PLPP1: variants seen among roughly 807,000 people sequenced by gnomAD.
PLPP1 encodes lipid phosphate phosphohydrolase 1a.
In PLPP1, 24 loss-of-function variants were observed where a neutral mutation model predicts 31.2. The observed-to-expected ratio is 0.77, with a 90% confidence interval of 0.56 to 1.08. The LOEUF is 1.08. Ranked by LOEUF, PLPP1 falls within the 50% of genes least tolerant of loss-of-function variation. The pLI, the probability that PLPP1 is intolerant of heterozygous loss-of-function variation, is 0.00. For missense variants in PLPP1, 319 were observed against 342.7 expected (o/e 0.93, Z 0.55); for synonymous variants, 146 against 126.3 (o/e 1.16, Z -1.05).
intron 1 of PLPP1, among the ~76,000 whole-genome samples, chr5:55,494,554 C>T (rs1267222164): frequency 6.6e-6 from 1 of 152,152 alleles, no homozygotes; most frequent in Non-Finnish European, 1.5e-5. Context: ...AGGCTCCAAT[C>T]ACACTGAACC....
intron 3 of PLPP1, among the ~76,000 whole-genome samples, chr5:55,443,929 G>A (rs1201940096): frequency 6.6e-6 from 1 of 152,048 alleles, no homozygotes; most frequent in Admixed American, 6.5e-5. Context: ...CAAAACAATG[G>A]AAATTCAAAG....
intron 1 of PLPP1, among the ~76,000 whole-genome samples, chr5:55,501,020 A>G (rs1222810302): frequency 2.6e-5 from 4 of 152,236 alleles, no homozygotes; most frequent in Non-Finnish European, 5.9e-5. Context: ...TTACTCTGTT[A>G]AAACACAAAG....
In PLPP1 at chr5:55,425,910, C is replaced by T. The variant is rs1428658661; in HGVS notation, c.679G>A (p.Asp227Asn). ...RVSDYKHHWS[D>N]VLTGLIQGAL... ...CCCTGAATGAGTCCAGTCAACACAT[C>T]GCTCCAGTGGTGTTTATAATCAGAA... The change falls in exon 5 of 6, where the codon GAT (aspartate) becomes AAT (asparagine). Residue 227 changes from aspartate to asparagine, a missense_variant. Transcript: ENST00000307259. 8.1e-6 allele frequency: 13 copies of T among 1,613,020 alleles called. No individual in the cohort carries two copies. Among genetic ancestry groups the T allele is most frequent in the East Asian group, 2.2e-5 (1 of 44,862 alleles).
At position 55,433,524 on chromosome 5, in the gene PLPP1, G is replaced by A. The variant is rs535698998; in HGVS notation, c.550-7485C>T. ...TCTCTAGCATTTTTTTTTTTTGACC[G>A]AGTCTCACTGTGTCACCCAGGCTGG... On this transcript the variant is annotated intron_variant, in intron 4 of 5. Transcript: ENST00000307259. Among the ~76,000 whole-genome samples the A allele has an allele frequency of 1.7e-3, 201 of 116,760 alleles. 2 individuals are homozygous for A. The highest frequency in any genetic ancestry group is 3.0e-3 in the Non-Finnish European group (160 of 53,660). The allele number at this position is 116,760 out of a possible 152,430, so 76.6% of individuals were successfully genotyped here. A position where few individuals can be genotyped will look rare whatever the true frequency, so the allele number is the denominator to read the frequency against.
intron 1 of PLPP1, among the ~76,000 whole-genome samples, chr5:55,528,484 C>T (rs1012381274): frequency 6.6e-6 from 1 of 152,246 alleles, no homozygotes; most frequent in African/African-American, 2.4e-5. Context: ...TAGTACCTAA[C>T]ATGGTACTGG....
intron 1 of PLPP1, chr5:55,508,932 A>G (rs1264956828): frequency 6.5e-6 from 1 of 154,202 alleles, no homozygotes; most frequent in African/African-American, 2.4e-5. Context: ...TGAGGAGAGC[A>G]GAGAACAACT....
intron 1 of PLPP1, among the ~76,000 whole-genome samples, chr5:55,513,741 C>G (rs574431039): frequency 4.6e-5 from 7 of 152,236 alleles, no homozygotes; most frequent in African/African-American, 7.2e-5. Flanking sequence ...GCCTGGACAA[C>G]ACAGTGAGAC....
intron 2 of PLPP1, among the ~76,000 whole-genome samples, chr5:55,470,531 A>C (rs1455694787): frequency 6.6e-6 from 1 of 152,232 alleles, no homozygotes; most frequent in Non-Finnish European, 1.5e-5. Context: ...AAGTAGTGTA[A>C]GCTGAAACTT....
At chr5:55,511,650 G>GTTTTTTTTT (rs1158182340) in intron 1 of PLPP1, among the ~76,000 whole-genome samples, 1 of 51,496 alleles carries the variant, frequency 1.9e-5, no homozygotes, top group African/African-American at 9.0e-5. Flanking sequence ...CACGTGTTGA[G>GTTTTTTTTT]TTTTTTTTTT....
At chr5:55,425,625 T>G (rs532087748) in intron 5 of PLPP1, 1 of 464,308 alleles carries the variant, frequency 2.2e-6, no homozygotes, top group African/African-American at 2.0e-5. Context: ...AAAAAACTAT[T>G]TCTAGCCAGA....
intron 2 of PLPP1, among the ~76,000 whole-genome samples, chr5:55,471,202 A>ATTT (rs113348948): frequency 3.6e-5 from 5 of 139,634 alleles, no homozygotes; most frequent in Admixed American, 1.4e-4. Flanking sequence ...ATCAGATCAG[A>ATTT]TTTTTTTTTT....
intron 1 of PLPP1, among the ~76,000 whole-genome samples, chr5:55,514,086 A>C (rs1753501978): frequency 1.3e-5 from 2 of 152,178 alleles, no homozygotes; most frequent in African/African-American, 4.8e-5. Flanking sequence ...ATACAAACAA[A>C]AAATTTTAAA....
intron 2 of PLPP1, among the ~76,000 whole-genome samples, chr5:55,469,471 G>C (rs181838502): frequency 6.7e-6 from 1 of 148,858 alleles, no homozygotes; most frequent in African/African-American, 2.5e-5. Context: ...GCCTGGGTGC[G>C]ACACAGCGAG....
At chr5:55,526,708 G>A (rs1579987577) in intron 1 of PLPP1, among the ~76,000 whole-genome samples, 1 of 152,004 alleles carries the variant, frequency 6.6e-6, no homozygotes, top group African/African-American at 2.4e-5. Flanking sequence ...CGAGGTGGGC[G>A]GATCACGAGG....
intron 1 of PLPP1, among the ~76,000 whole-genome samples, chr5:55,494,982 A>AAG (rs56362401): frequency 6.7e-6 from 1 of 150,370 alleles, no homozygotes; most frequent in Non-Finnish European, 1.5e-5. Flanking sequence ...AAAAAAAAAA[A>AAG]TAGCCGGGCA....
intron 1 of PLPP1, chr5:55,530,200 G>A: frequency 7.4e-7 from 1 of 1,349,046 alleles, no homozygotes; most frequent in Non-Finnish European, 1.1e-6. Context: ...GTTTGACATT[G>A]AGTTTCTTCA....
rs778920829 is a variant in PLPP1 at position 55,426,058 on chromosome 5, G to T, written c.550-19C>A. The T allele has an allele frequency of 1.8e-5, 28 of 1,552,290 alleles. No individual in the cohort carries two copies. The highest frequency in any genetic ancestry group is 2.3e-5 in the Non-Finnish European group (26 of 1,155,132). ...GATAAAGCTAAAAGAAAAGAATAAAGAAAAAAATAGTTTATTTAACATAAC... is the reference window on the plus strand; with the variant it reads ...GATAAAGCTAAAAGAAAAGAATAAATAAAAAAATAGTTTATTTAACATAAC... On this transcript the variant is annotated intron_variant, in intron 4 of 5. Coordinates refer to ENST00000307259, the MANE Select transcript of PLPP1 (RefSeq NM_003711.4).
chr5:55,425,447 G>A (rs1024579239), intron 5 of PLPP1, 113 bp from the exon 6 acceptor site: 20 of 999,510 alleles, frequency 2.0e-5, no homozygotes, highest in Non-Finnish European at 2.9e-5. Context: ...ACTTTGAGGT[G>A]TACAGATTAA....
chr5:55,428,892 A>G (rs1264615557), intron 4 of PLPP1, among the ~76,000 whole-genome samples: 1 of 152,186 alleles, frequency 6.6e-6, no homozygotes, highest in Non-Finnish European at 1.5e-5. Context: ...TGTCCAATAC[A>G]GTGTGTGGTA....
Sources: gnomAD v4.1 joint callset for allele counts (sites outside exome capture counted in the v4.1 genomes callset) on GRCh38, gnomAD v4.1.1 for gene constraint, MANE v1.5 for transcripts, NCBI Gene and HGNC (gene_info 2026-07-23, HGNC 2026-07-21) for gene names.